RMDN2: variants seen among roughly 807,000 people sequenced by gnomAD.
The protein encoded by RMDN2 is regulator of microtubule dynamics protein 2.
In RMDN2, 61 loss-of-function variants were observed where a neutral mutation model predicts 52.8. That is an observed-to-expected ratio of 1.16 (90% confidence interval 0.94 to 1.43). The LOEUF is 1.43. RMDN2 is among the 40% of genes most tolerant of loss of function. The pLI is 0.00. For missense variants in RMDN2, 592 were observed against 475.3 expected (o/e 1.25, Z -2.28); for synonymous variants, 180 against 153.1 (o/e 1.18, Z -1.30).
At chr2:37,934,061 T>TA in intron 2 of RMDN2, among the ~76,000 whole-genome samples, 1 of 152,172 alleles carries the variant, frequency 6.6e-6, no homozygotes, top group Non-Finnish European at 1.5e-5. Context: ...TAGCAAAAAT[T>TA]AAAATATTAA....
At position 37,951,710 on chromosome 2, in the gene RMDN2, T is replaced by G. The variant is rs1300624129; in HGVS notation, c.452+21981T>G. The G allele has an allele frequency of 1.9e-6, 3 of 1,612,664 alleles. No individual in the cohort carries two copies. In the East Asian group the frequency reaches 6.7e-5, roughly 36 times the overall value. ...ATGAAATCGAAATCTTTTCTAAAAC[T>G]TCAAGTAATACTGATGCTAAAAAAC... On this transcript the variant is annotated intron_variant, in intron 2 of 10. Coordinates refer to ENST00000354545, the MANE Select transcript of RMDN2 (RefSeq NM_001170791.3).
At chr2:38,052,325 T>C (rs1310528299) in intron 10 of RMDN2, among the ~76,000 whole-genome samples, 1 of 152,230 alleles carries the variant, frequency 6.6e-6, no homozygotes, top group Non-Finnish European at 1.5e-5. Context: ...GTGTCTTCTT[T>C]CGAGAAATGT....
chr2:37,954,267 A>G (rs1258779752), intron 2 of RMDN2, among the ~76,000 whole-genome samples: 2 of 152,038 alleles, frequency 1.3e-5, no homozygotes. Flanking sequence ...CCAATAAATC[A>G]TTGCCAAATC....
At chr2:37,943,916 C>A (rs930726103) in intron 2 of RMDN2, among the ~76,000 whole-genome samples, 1 of 152,092 alleles carries the variant, frequency 6.6e-6, no homozygotes, top group Non-Finnish European at 1.5e-5. Context: ...GCCCCTCCCC[C>A]ACCACCTAAG....
intron 8 of RMDN2, among the ~76,000 whole-genome samples, chr2:38,003,604 G>GCAGACAGA (rs200858320): frequency 0.063 from 6,469 of 102,016 alleles, 198 homozygotes; most frequent in Non-Finnish European, 0.082. Flanking sequence ...AGATAGATAG[G>GCAGACAGA]CAGACAGACA....
chr2:37,975,252 C>T lies in RMDN2; in HGVS notation c.668C>T (p.Ala223Val). 3 of 1,610,948 alleles carry T rather than the reference C, an allele frequency of 1.9e-6. No homozygotes were observed. Among genetic ancestry groups the T allele is most frequent in the Non-Finnish European group, 2.5e-6 (3 of 1,177,368 alleles). ...EIEFMWRFAR[A>V]YGDMYELSTN... The stretch of plus-strand genomic sequence containing the variant: ...GAGTTTATGTGGCGATTTGCTCGTG[C>T]TTATGGAGACATGTATGAACTATCT... Residue 223 changes from alanine (A) to valine (V), a missense_variant, in exon 4 of 11, where the codon GCT (alanine) becomes GTT (valine). Coordinates refer to ENST00000354545, the MANE Select transcript of RMDN2 (RefSeq NM_001170791.3).
rs770696613 is a variant in RMDN2 at position 38,066,936 on chromosome 2, C to T, written c.1714-46C>T. 6 of 1,608,498 alleles carry T rather than the reference C, an allele frequency of 3.7e-6. No individual in the cohort carries two copies. In the Admixed American group the frequency reaches 6.7e-5, roughly 18 times the overall value. On this transcript the variant is annotated intron_variant, in intron 10 of 10. Coordinates refer to the RMDN2 transcript ENST00000234195. The stretch of plus-strand genomic sequence containing the variant: ...AGGTTCCCACGCCAAAGTTTCAATG[C>T]CATTTTGTGCAATTTTTACTTCTTT...
chr2:37,929,281 C>A lies in RMDN2; in HGVS notation c.4C>A (p.Pro2Thr). 4 of 1,515,902 alleles carry A rather than the reference C, an allele frequency of 2.6e-6. No individual in the cohort carries two copies. The highest frequency in any genetic ancestry group is 3.5e-6 in the Non-Finnish European group (4 of 1,129,748). The allele number at this position is 1,515,902 out of a possible 1,614,324, so 93.9% of individuals were successfully genotyped here. The stretch of plus-strand genomic sequence containing the variant: ...TTTTAGAAACGAAAACCAAGAAATG[C>A]CTTATTCCACAAACAAAGAGTTGAT... The part of the protein sequence containing the change: M[P>T]YSTNKELILG... The change falls in exon 2 of 11, where the codon CCT becomes ACT. Residue 2 changes from proline to threonine, a missense_variant. Transcript: ENST00000354545.
chr2:38,031,158 C>G (rs1680170043), intron 10 of RMDN2, among the ~76,000 whole-genome samples: 1 of 151,938 alleles, frequency 6.6e-6, no homozygotes, highest in Non-Finnish European at 1.5e-5. Context: ...ATGGGAATGG[C>G]CTAGTAAGGT....
intron 2 of RMDN2, among the ~76,000 whole-genome samples, chr2:37,936,741 T>C (rs1667323962): frequency 1.3e-5 from 2 of 152,228 alleles, no homozygotes; most frequent in African/African-American, 4.8e-5. Flanking sequence ...GATGGGGTTG[T>C]TTGCTTTTTT....
intron 2 of RMDN2, among the ~76,000 whole-genome samples, chr2:37,953,769 ATTG>A (rs1368506960): frequency 6.6e-6 from 1 of 151,956 alleles, no homozygotes; most frequent in Non-Finnish European, 1.5e-5. Flanking sequence ...GAACTACCAT[ATTG>A]TTTTCCATAG....
intron 10 of RMDN2, among the ~76,000 whole-genome samples, chr2:38,043,884 T>C (rs1199850401): frequency 6.6e-6 from 1 of 152,084 alleles, no homozygotes; most frequent in East Asian, 1.9e-4. Context: ...TGAATAGTTA[T>C]CTATTAGATA....
chr2:38,010,686 C>T lies in RMDN2; in HGVS notation c.1179+6470C>T, dbSNP rs150004547. On this transcript the variant is annotated intron_variant, in intron 10 of 10. Coordinates refer to ENST00000354545, the MANE Select transcript of RMDN2 (RefSeq NM_001170791.3). ...GGTGAGGCAATGTCTTGCCCAGCTT[C>T]GGCTCATGCTCGGTGCACTGCAGCC... Among the ~76,000 whole-genome samples the T allele has an allele frequency of 5.4e-3, 821 of 152,292 alleles. 7 individuals are homozygous for T. Among genetic ancestry groups the T allele is most frequent in the Middle Eastern group, 0.02 (6 of 294 alleles).
chr2:37,976,907 C>T (rs928128996), intron 4 of RMDN2, among the ~76,000 whole-genome samples: 3 of 150,916 alleles, frequency 2.0e-5, no homozygotes, highest in Non-Finnish European at 4.4e-5. Flanking sequence ...GGGGATTTGG[C>T]AGGGTCACAG....
chr2:38,061,554 T>C (rs759088495), intron 10 of RMDN2, among the ~76,000 whole-genome samples: 2 of 151,898 alleles, frequency 1.3e-5, no homozygotes, highest in Admixed American at 6.6e-5. Flanking sequence ...AGCTTGTCCT[T>C]AATGCCCACC....
chr2:37,978,616 A>G (rs1672879792), intron 4 of RMDN2, among the ~76,000 whole-genome samples: 2 of 152,062 alleles, frequency 1.3e-5, no homozygotes, highest in Admixed American at 1.3e-4. Context: ...GCTTGAGCTC[A>G]GAAGCCCGAG....
chr2:37,997,577 G>A lies in RMDN2; in HGVS notation c.1044+63G>A, dbSNP rs1035080754. On this transcript the variant is annotated intron_variant, in intron 8 of 10. Transcript: ENST00000354545. ...ATTACCATCTGCACCAATCCCTGCT[G>A]CCGTTGTCAAGGAAATCTTTTCTCC... is the stretch of plus-strand genomic sequence containing the variant. The A allele has an allele frequency of 4.7e-6, 5 of 1,071,978 alleles. No homozygotes were observed. The African/African-American group carries it at 7.9e-5, about 17-fold the overall frequency. 66.4% of individuals were successfully genotyped at this position (1,071,978 alleles called of 1,614,324 possible). A position where few individuals can be genotyped will look rare whatever the true frequency, so the allele number is the denominator to read the frequency against.
At chr2:37,939,837 T>C (rs1002563779) in intron 2 of RMDN2, among the ~76,000 whole-genome samples, 1 of 152,224 alleles carries the variant, frequency 6.6e-6, no homozygotes, top group African/African-American at 2.4e-5. Context: ...CTTGACTCTT[T>C]ATCCAATTTC....
At chr2:37,962,968 C>G (rs1224500834) in intron 2 of RMDN2, 1 of 152,732 alleles carries the variant, frequency 6.5e-6, no homozygotes, top group Non-Finnish European at 1.5e-5. Context: ...TTCCCCAACC[C>G]CTTGCACTTC....
Sources: gnomAD v4.1 joint callset for allele counts (sites outside exome capture counted in the v4.1 genomes callset) on GRCh38, gnomAD v4.1.1 for gene constraint, MANE v1.5 for transcripts, NCBI Gene and HGNC (gene_info 2026-07-23, HGNC 2026-07-21) for gene names.